The following FGF12 variants were observed in gnomAD, a reference collection of about 807,000 sequenced individuals.
The protein encoded by FGF12 is fibroblast growth factor 12B.
Under a neutral mutation model 23.6 loss-of-function variants are expected in FGF12, and 14 were observed. The ratio of observed to expected loss-of-function variants is 0.59; its 90% CI spans 0.39 to 0.93. The LOEUF (loss-of-function observed/expected upper bound fraction) is 0.93. Ranked by LOEUF, FGF12 falls within the 40% of genes least tolerant of loss-of-function variation. The pLI is 0.00. For missense variants in FGF12, 175 were observed against 217.8 expected (o/e 0.80, Z 1.24); for synonymous variants, 62 against 77.3 (o/e 0.80, Z 1.04).
chr3:192,346,021 A>AT lies in FGF12; in HGVS notation c.125-10558dup, dbSNP rs879722366. ...ATAGAAATAAACATAATGTGGAAAGATTTTTTTTTTTTAGAAATTAGGGAT... is the reference window on the plus strand; with the variant it reads ...ATAGAAATAAACATAATGTGGAAAGATTTTTTTTTTTTTAGAAATTAGGGAT... On this transcript the variant is annotated intron_variant, in intron 3 of 5. Transcript: ENST00000445105. 6.6e-3 allele frequency among the ~76,000 whole-genome samples: 813 copies of AT among 124,056 alleles called. 4 individuals carry two copies. Among genetic ancestry groups the AT allele is most frequent in the African/African-American group, 0.024 (708 of 29,000 alleles). The allele number at this position is 124,056 out of a possible 152,430, so 81.4% of individuals were successfully genotyped here.
intron 4 of FGF12, among the ~76,000 whole-genome samples, chr3:192,182,136 TTGTG>T (rs1169842858): frequency 1.3e-5 from 2 of 152,144 alleles, no homozygotes; most frequent in Non-Finnish European, 1.5e-5. Flanking sequence ...AACTCGGTAT[TTGTG>T]TGTATTATGT....
chr3:192,368,030 T>A (rs1268075546), intron 2 of FGF12, among the ~76,000 whole-genome samples: 1 of 152,180 alleles, frequency 6.6e-6, no homozygotes, highest in Non-Finnish European at 1.5e-5. Context: ...CAACAGCCTT[T>A]GTGACAGTTA....
At position 192,342,731 on chromosome 3, in the gene FGF12, T is replaced by G. The variant is rs191944381; in HGVS notation, c.125-7267A>C. ...TTCAAGGCTGCAGTTAAGCCATGATTGCACCACTCCACTCCTGCCTGGGTA... is the reference window on the plus strand; with the variant it reads ...TTCAAGGCTGCAGTTAAGCCATGATGGCACCACTCCACTCCTGCCTGGGTA... On this transcript the variant is annotated intron_variant, in intron 3 of 5. Transcript: ENST00000445105. 5.0e-4 allele frequency among the ~76,000 whole-genome samples: 76 copies of G among 152,212 alleles called. 1 individual carries two copies. Among genetic ancestry groups the G allele is most frequent in the Admixed American group, 2.5e-3 (38 of 15,286 alleles).
At chr3:192,419,413 T>G (rs1446283362) in intron 2 of FGF12, among the ~76,000 whole-genome samples, 1 of 152,108 alleles carries the variant, frequency 6.6e-6, no homozygotes, top group East Asian at 1.9e-4. Flanking sequence ...GTGCAAGAGA[T>G]TCACACTAAG....
chr3:192,311,421 C>T (rs1715926940), intron 4 of FGF12, among the ~76,000 whole-genome samples: 1 of 152,114 alleles, frequency 6.6e-6, no homozygotes, highest in Non-Finnish European at 1.5e-5. Context: ...CTAGCTTCTT[C>T]CATATCACAT....
At chr3:192,264,082 G>C (rs189962070) in intron 4 of FGF12, among the ~76,000 whole-genome samples, 1 of 151,980 alleles carries the variant, frequency 6.6e-6, no homozygotes, top group Non-Finnish European at 1.5e-5. Context: ...AAAATCAAAT[G>C]AATCAATCCT....
At chr3:192,159,608 A>G (rs897449081) in intron 5 of FGF12, among the ~76,000 whole-genome samples, 1 of 152,198 alleles carries the variant, frequency 6.6e-6, no homozygotes, top group Non-Finnish European at 1.5e-5. Context: ...AGAAAGTTCC[A>G]CACAATAGAA....
Position 192,399,088 on chromosome 3 carries a change from G to C in FGF12, c.14-38550C>G, listed in dbSNP as rs564038146. Among the ~76,000 whole-genome samples the C allele has an allele frequency of 4.6e-5, 7 of 151,614 alleles. No individual in the cohort carries two copies. In the South Asian group the frequency reaches 1.3e-3, roughly 27 times the overall value. On this transcript the variant is annotated intron_variant, in intron 2 of 5. Coordinates refer to ENST00000445105, the MANE Select transcript of FGF12 (RefSeq NM_004113.6). ...ATATGATGATGCAGCTCAGTTTTGG[G>C]ATATCATTAAACACAGGAAAGATTC...
chr3:192,637,494 C>T (rs1285751039), intron 2 of FGF12, among the ~76,000 whole-genome samples: 1 of 152,152 alleles, frequency 6.6e-6, no homozygotes, highest in African/African-American at 2.4e-5. Flanking sequence ...CTGCCACTTA[C>T]CAAATGTGCC....
intron 2 of FGF12, among the ~76,000 whole-genome samples, chr3:192,676,597 C>T (rs577212134): frequency 1.3e-5 from 2 of 152,312 alleles, no homozygotes; most frequent in African/African-American, 2.4e-5. Context: ...TCCTCACCTA[C>T]AGTAACTCAA....
At chr3:192,304,421 A>T (rs1235630850) in intron 4 of FGF12, among the ~76,000 whole-genome samples, 1 of 152,170 alleles carries the variant, frequency 6.6e-6, no homozygotes, top group Non-Finnish European at 1.5e-5. Context: ...TTATTTGATT[A>T]AGCAAGTGCT....
chr3:192,166,279 C>T (rs1245870522), intron 5 of FGF12, among the ~76,000 whole-genome samples: 1 of 152,136 alleles, frequency 6.6e-6, no homozygotes, highest in Non-Finnish European at 1.5e-5. Flanking sequence ...CAGAAGAGAA[C>T]CAACCAATTT....
intron 4 of FGF12, among the ~76,000 whole-genome samples, chr3:192,252,049 C>T (rs1712047140): frequency 1.3e-5 from 2 of 152,086 alleles, no homozygotes; most frequent in South Asian, 4.1e-4. Flanking sequence ...CAGGTAATTG[C>T]ATGCTTAATT....
At chr3:192,637,229 G>T (rs1281974796) in intron 2 of FGF12, among the ~76,000 whole-genome samples, 1 of 152,164 alleles carries the variant, frequency 6.6e-6, no homozygotes, top group African/African-American at 2.4e-5. Flanking sequence ...CTCTTCTCAG[G>T]ACGCCCAGAA....
rs558073421 is a variant in FGF12, at chr3:192,693,193, T to A, written c.13+33988A>T. On this transcript the variant is annotated intron_variant, in intron 2 of 5. Coordinates refer to ENST00000445105, the MANE Select transcript of FGF12 (RefSeq NM_004113.6). The stretch of plus-strand genomic sequence containing the variant: ...GAAAATAAGCCCATTTATAATAGCA[T>A]TAAAAAAATACAATGGTTAGAAATA... 7.9e-5 allele frequency among the ~76,000 whole-genome samples: 12 copies of A among 152,000 alleles called. No homozygotes were observed. The South Asian group carries it at 2.3e-3, about 29-fold the overall frequency.
chr3:192,374,010 C>G (rs533760456), intron 2 of FGF12, among the ~76,000 whole-genome samples: 8 of 152,282 alleles, frequency 5.3e-5, no homozygotes, highest in East Asian at 1.9e-4. Context: ...AAATTGAAAA[C>G]AGTTTCCCAT....
intron 3 of FGF12, among the ~76,000 whole-genome samples, chr3:192,350,783 CATT>C (rs1234097231): frequency 6.6e-6 from 1 of 152,108 alleles, no homozygotes; most frequent in Non-Finnish European, 1.5e-5. Flanking sequence ...GGAAAAAGGT[CATT>C]GGCTTTTACC....
intron 2 of FGF12, among the ~76,000 whole-genome samples, chr3:192,609,626 T>C (rs1408595064): frequency 6.6e-6 from 1 of 152,066 alleles, no homozygotes; most frequent in Non-Finnish European, 1.5e-5. Context: ...AAAGACACAG[T>C]TACCGTGTTA....
At position 192,420,958 on chromosome 3, in the gene FGF12, C is replaced by A. The variant is rs1428460998; in HGVS notation, c.14-60420G>T. Among the ~76,000 whole-genome samples, 5 of 151,504 alleles carry A rather than the reference C, an allele frequency of 3.3e-5. No homozygotes were observed. In the East Asian group the frequency reaches 7.7e-4, roughly 23 times the overall value. On this transcript the variant is annotated intron_variant, in intron 2 of 5. Transcript: ENST00000445105. ...AAAACCAATTGGAGAAAACTGACTA[C>A]AAATTGGAAAAAAAAAGTCTTACAA...
Sources: gnomAD v4.1 joint callset for allele counts (sites outside exome capture counted in the v4.1 genomes callset) on GRCh38, gnomAD v4.1.1 for gene constraint, MANE v1.5 for transcripts, NCBI Gene and HGNC (gene_info 2026-07-23, HGNC 2026-07-21) for gene names.